BDNF: variants seen among roughly 807,000 people sequenced by gnomAD.
BDNF encodes brain derived neurotrophic factor, also known as neurotrophic factor BDNF precursor form.
Under a neutral mutation model 19.5 loss-of-function variants are expected in BDNF, and 1 was observed. The observed-to-expected ratio is 0.05, with a 90% confidence interval of 0.02 to 0.24. The LOEUF (loss-of-function observed/expected upper bound fraction) is 0.24, where lower values mean the gene tolerates loss of function less well. BDNF is among the 10% of genes least tolerant of loss of function. BDNF has a pLI of 1.00. For missense variants in BDNF, 195 were observed against 317.6 expected, an observed-to-expected ratio of 0.61 and a Z score of 2.93; for synonymous variants, 100 against 121.6, an observed-to-expected ratio of 0.82 and a Z score of 1.17.
exon 1 of BDNF, chr11:27,721,741 A>G (rs1003337262): frequency 4.3e-5 from 19 of 443,908 alleles, no homozygotes; most frequent in African/African-American, 3.2e-4. Context: ...GAGGTTACCA[A>G]TGATTGCCCA....
At position 27,694,586 on chromosome 11, in the gene BDNF, CTT is replaced by C. The variant is rs34321446; in HGVS notation, c.-22+5576_-22+5577del. On this transcript the variant is annotated intron_variant, in intron 1 of 1. Transcript: ENST00000356660. ...TAATTATTGGTTCCTGGTTCCATAACTTTTTTTTTTTTTTTTTTTGGTGCTGG... is the reference window on the plus strand; with the variant it reads ...TAATTATTGGTTCCTGGTTCCATAACTTTTTTTTTTTTTTTTTGGTGCTGG... Among the ~76,000 whole-genome samples the C allele has an allele frequency of 2.0e-3, 253 of 123,514 alleles. 1 individual carries two copies. The highest frequency in any genetic ancestry group is 4.1e-3 in the Middle Eastern group (1 of 244). The allele number at this position is 123,514 out of a possible 152,430, so 81.0% of individuals were successfully genotyped here.
chr11:27,688,311 G>T (rs1857762230), intron 1 of BDNF, among the ~76,000 whole-genome samples: 1 of 152,240 alleles, frequency 6.6e-6, no homozygotes, highest in African/African-American at 2.4e-5. Context: ...CTGGCAGTGA[G>T]AATTTCAAAC....
chr11:27,712,519 ATTT>A (rs35699873), intron 1 of BDNF, among the ~76,000 whole-genome samples: 1 of 144,570 alleles, frequency 6.9e-6, no homozygotes. Flanking sequence ...TTCACTTAGA[ATTT>A]TTTTTTTTTT....
At chr11:27,660,562 A>AG (rs1242882081) in intron 1 of BDNF, among the ~76,000 whole-genome samples, 2 of 152,194 alleles carry the variant, frequency 1.3e-5, no homozygotes, top group Non-Finnish European at 2.9e-5. Flanking sequence ...AAACAACCCA[A>AG]GGGGCACCTC....
intron 1 of BDNF, chr11:27,659,197 A>T (rs11030101): frequency 0.44 from 434,380 of 996,850 alleles, 98,075 homozygotes; most frequent in Middle Eastern, 0.49. Flanking sequence ...CAAAGAAGAA[A>T]GATAATTTCA....
chr11:27,698,384 G>GT (rs1321679128), intron 1 of BDNF, among the ~76,000 whole-genome samples: 1 of 152,190 alleles, frequency 6.6e-6, no homozygotes, highest in Non-Finnish European at 1.5e-5. Flanking sequence ...CCTATTATGT[G>GT]TAATGCCTTG....
At chr11:27,695,377 A>G (rs1858861700) in intron 1 of BDNF, among the ~76,000 whole-genome samples, 2 of 152,188 alleles carry the variant, frequency 1.3e-5, no homozygotes, top group African/African-American at 2.4e-5. Flanking sequence ...ATTTTTTATC[A>G]TATAATTTTA....
chr11:27,674,239 G>C (rs1486010936), intron 1 of BDNF: 1 of 1,590,110 alleles, frequency 6.3e-7, no homozygotes, highest in South Asian at 1.1e-5. Flanking sequence ...GTAGTAACAA[G>C]GATTAACCTT....
rs930679148 is a variant in BDNF, at chr11:27,659,418, C to T, written c.-21-833G>A. Reference sequence around the variant, plus strand: ...TTTAATGATGTGTCTATGCCTGGGGCTAATGTCATGAAAACAATGTGTCTG... The same window carrying T: ...TTTAATGATGTGTCTATGCCTGGGGTTAATGTCATGAAAACAATGTGTCTG... On this transcript the variant is annotated intron_variant, in intron 1 of 1. Transcript: ENST00000356660. 4 of 1,000,152 alleles carry T rather than the reference C, an allele frequency of 4.0e-6. No individual in the cohort carries two copies. In the African/African-American group the frequency reaches 7.0e-5, roughly 17 times the overall value. The allele number at this position is 1,000,152 out of a possible 1,614,324, so 62.0% of individuals were successfully genotyped here. A position where few individuals can be genotyped will look rare whatever the true frequency, so the allele number is the denominator to read the frequency against.
intron 1 of BDNF, among the ~76,000 whole-genome samples, chr11:27,694,281 A>T (rs955981130): frequency 1.3e-5 from 2 of 152,328 alleles, no homozygotes; most frequent in Middle Eastern, 3.4e-3. Context: ...AAATTATAGA[A>T]CTAAGCCAAC....
chr11:27,718,354 A>ACCCCCCCCCCCCCC (rs376255605), intron 1 of BDNF, among the ~76,000 whole-genome samples: 26 of 101,140 alleles, frequency 2.6e-4, no homozygotes, highest in Non-Finnish European at 3.1e-4. Context: ...TCCGCACACC[A>ACCCCCCCCCCCCCC]CCCCCCCCCG....
At chr11:27,683,715 T>C (rs1857132308) in intron 1 of BDNF, among the ~76,000 whole-genome samples, 1 of 152,192 alleles carries the variant, frequency 6.6e-6, no homozygotes, top group African/African-American at 2.4e-5. Flanking sequence ...CAGATGGTTG[T>C]AGATGTGTGG....
chr11:27,692,229 A>C (rs1858392523), intron 1 of BDNF, among the ~76,000 whole-genome samples: 1 of 152,190 alleles, frequency 6.6e-6, no homozygotes, highest in Non-Finnish European at 1.5e-5. Flanking sequence ...CTTATGGCCA[A>C]TGCATTAGAA....
chr11:27,714,465 G>A (rs191440706), intron 1 of BDNF, among the ~76,000 whole-genome samples: 172 of 152,196 alleles, frequency 1.1e-3, no homozygotes, highest in Non-Finnish European at 2.1e-3. Context: ...CAGTAAATTT[G>A]ATAGCAGGTC....
intron 1 of BDNF, among the ~76,000 whole-genome samples, chr11:27,711,469 T>C (rs1346323037): frequency 2.0e-5 from 3 of 152,210 alleles, no homozygotes; most frequent in African/African-American, 4.8e-5. Flanking sequence ...ATTGTGAGAC[T>C]CATGGCCATC....
Position 27,656,111 on chromosome 11 carries a change from T to G in BDNF, c.*1710A>C, listed in dbSNP as rs1413131490. The G allele has an allele frequency of 6.6e-6, 1 of 152,206 alleles. No individual in the cohort carries two copies. Among genetic ancestry groups the G allele is most frequent in the Non-Finnish European group, 1.5e-5 (1 of 68,054 alleles). The allele number at this position is 152,206 out of a possible 1,614,324, so 9.4% of individuals were successfully genotyped here. A position where few individuals can be genotyped will look rare whatever the true frequency, so the allele number is the denominator to read the frequency against. On this transcript the variant is annotated 3_prime_UTR_variant, in exon 2 of 2. Coordinates refer to ENST00000356660, the MANE Select transcript of BDNF (RefSeq NM_001709.5). ...GGACAAGATTTCCTATGGGTCCCCT[T>G]GATCATTCGGCCTGAGTTTGGGGTT...
At chr11:27,687,469 C>T (rs780287454) in intron 1 of BDNF, among the ~76,000 whole-genome samples, 8 of 152,186 alleles carry the variant, frequency 5.3e-5, no homozygotes, top group Non-Finnish European at 1.2e-4. Flanking sequence ...GAGTTGTGCT[C>T]CCTTGGAGGA....
In BDNF at chr11:27,657,566, G is replaced by T; in HGVS notation, c.*255C>A. The stretch of plus-strand genomic sequence containing the variant: ...TAACTTTTTATGTTTTCAGTTCTTG[G>T]CAACGGCAACAAACCACAACATTAT... On this transcript the variant is annotated 3_prime_UTR_variant, in exon 2 of 2. Coordinates refer to ENST00000356660, the MANE Select transcript of BDNF (RefSeq NM_001709.5). This position sits in a 1 kb window ranked among gnomAD's most constrained non-coding sequence, Gnocchi z 5.0. 1.6e-6 allele frequency: 2 copies of T among 1,240,450 alleles called. No homozygotes were observed. Among genetic ancestry groups the T allele is most frequent in the South Asian group, 5.3e-5 (2 of 37,762 alleles). The allele number at this position is 1,240,450 out of a possible 1,614,324, so 76.8% of individuals were successfully genotyped here.
At chr11:27,718,730 GTTT>G (rs1199851883) in intron 1 of BDNF, among the ~76,000 whole-genome samples, 2 of 151,942 alleles carry the variant, frequency 1.3e-5, no homozygotes, top group Non-Finnish European at 2.9e-5. Context: ...CCTAGCGCCT[GTTT>G]TTTATCTTTT....
Sources: gnomAD v4.1 joint callset for allele counts (sites outside exome capture counted in the v4.1 genomes callset) on GRCh38, gnomAD v4.1.1 for gene constraint, Gnocchi (gnomAD v3.1) non-coding constraint, MANE v1.5 for transcripts, NCBI Gene and HGNC (gene_info 2026-07-23, HGNC 2026-07-21) for gene names.